The following RNF212B variants were observed in gnomAD, a reference collection of about 807,000 sequenced individuals.
RNF212B encodes the protein E3 ubiquitin-protein ligase RNF212B.
In RNF212B, 52 loss-of-function variants were observed where a neutral mutation model predicts 55.5. The observed-to-expected ratio is 0.94, with a 90% CI of 0.75 to 1.18. RNF212B has a LOEUF of 1.18. Ranked by LOEUF, RNF212B falls within the 50% of genes most tolerant of loss-of-function variation. RNF212B has a pLI of 0.00. For synonymous variants in RNF212B, 99 were observed against 121.4 expected (o/e 0.82, Z 1.21); for missense variants, 289 against 350.4 (o/e 0.82, Z 1.40).
intron 2 of RNF212B, among the ~76,000 whole-genome samples, chr14:23,211,692 T>C (rs995002445): frequency 3.9e-5 from 6 of 152,202 alleles, no homozygotes; most frequent in African/African-American, 1.4e-4. Context: ...AACAATGTAA[T>C]TCACCATAGA....
At chr14:23,191,956 G>A (rs1878156266) in intron 1 of RNF212B, among the ~76,000 whole-genome samples, 3 of 152,152 alleles carry the variant, frequency 2.0e-5, no homozygotes, top group African/African-American at 7.2e-5. Context: ...CTAAATTCTT[G>A]TTTCCAAAGG....
intron 2 of RNF212B, among the ~76,000 whole-genome samples, chr14:23,197,990 G>A (rs377336643): frequency 2.6e-5 from 4 of 152,150 alleles, no homozygotes; most frequent in African/African-American, 9.7e-5. Context: ...AGATTACAAA[G>A]TACATTGATC....
intron 4 of RNF212B, 40 bp from the exon 5 acceptor site, chr14:23,258,509 T>A (rs752949101): frequency 2.1e-6 from 2 of 962,754 alleles, no homozygotes; most frequent in Non-Finnish European, 3.1e-6. Context: ...GGGAAAGGAG[T>A]TATGGGAGAG....
chr14:23,211,341 C>T (rs1360558368), intron 2 of RNF212B, among the ~76,000 whole-genome samples: 1 of 152,082 alleles, frequency 6.6e-6, no homozygotes, highest in Non-Finnish European at 1.5e-5. Flanking sequence ...ATCTCTATAC[C>T]TATTAATATA....
At chr14:23,230,680 A>G (rs1326547676) in intron 2 of RNF212B, among the ~76,000 whole-genome samples, 2 of 147,564 alleles carry the variant, frequency 1.4e-5, no homozygotes, top group Non-Finnish European at 3.0e-5. Context: ...AAAAAAAAAA[A>G]AAACCATTGC....
chr14:23,188,719 C>T (rs975131407), intron 1 of RNF212B, among the ~76,000 whole-genome samples: 2 of 152,124 alleles, frequency 1.3e-5, no homozygotes, highest in African/African-American at 2.4e-5. Flanking sequence ...TTCCTCCAGC[C>T]TCAGCTTCCC....
chr14:23,264,789 A>T, intron 11 of RNF212B, 118 bp downstream of exon 11: 8 of 436,026 alleles, frequency 1.8e-5, no homozygotes, highest in Non-Finnish European at 2.7e-5. Context: ...CCTGACAGTG[A>T]TTCCATGTAT....
At chr14:23,236,008 A>G (rs1315656559), upstream of RNF212B, among the ~76,000 whole-genome samples, 3 of 152,242 alleles carry the variant, frequency 2.0e-5, no homozygotes, top group African/African-American at 7.2e-5. Flanking sequence ...TTTAAATACC[A>G]TTCTCTTTCC....
At position 23,248,430 on chromosome 14, in the gene RNF212B, C is replaced by T. The variant is rs563886070; in HGVS notation, c.228+4034C>T. ...TACAGGCATGAGCCACCACGCCCAA[C>T]CCCAAGCCTCTTTTTTTTTTTTTTT... On this transcript the variant is annotated intron_variant, in intron 4 of 14. Transcript: ENST00000430154. 2.0e-5 allele frequency among the ~76,000 whole-genome samples: 3 copies of T among 148,098 alleles called. No individual in the cohort carries two copies. In the South Asian group the frequency reaches 6.5e-4, roughly 32 times the overall value.
chr14:23,243,694 C>CAAAAA (rs761227119), intron 3 of RNF212B, among the ~76,000 whole-genome samples: 1 of 32,528 alleles, frequency 3.1e-5, no homozygotes, highest in Admixed American at 4.6e-4. Context: ...GACTCTGTCT[C>CAAAAA]AAAAAAAAAA....
At position 23,262,922 on chromosome 14, in the gene RNF212B, T is replaced by C; in HGVS notation, c.482-6T>C. ...ACTTTTTATTCTGTACTTTATTCTC[T>C]TTCAGTTACCCCACGACCCAGTTTC... On this transcript the variant is annotated splice_region_variant and splice_polypyrimidine_tract_variant and intron_variant, in intron 8 of 14. Transcript: ENST00000430154. 1.3e-6 allele frequency: 2 copies of C among 1,550,500 alleles called. No individual in the cohort carries two copies. Among genetic ancestry groups the C allele is most frequent in the Non-Finnish European group, 1.7e-6 (2 of 1,146,914 alleles).
chr14:23,201,798 TGA>T (rs1411777383), intron 2 of RNF212B, among the ~76,000 whole-genome samples: 2 of 152,324 alleles, frequency 1.3e-5, no homozygotes, highest in East Asian at 3.9e-4. Flanking sequence ...CTTCATTTAT[TGA>T]GAGAGGGGAC....
At chr14:23,243,626 G>A (rs559660390) in intron 3 of RNF212B, among the ~76,000 whole-genome samples, 1 of 149,154 alleles carries the variant, frequency 6.7e-6, no homozygotes, top group Non-Finnish European at 1.5e-5. Flanking sequence ...AGCCCAGGAG[G>A]TGGAAGTTGC....
intron 2 of RNF212B, among the ~76,000 whole-genome samples, chr14:23,228,539 G>A (rs1431457472): frequency 6.6e-6 from 1 of 151,048 alleles, no homozygotes; most frequent in Non-Finnish European, 1.5e-5. Context: ...GGGAGGATGA[G>A]CAGGGAGGAT....
intron 2 of RNF212B, among the ~76,000 whole-genome samples, chr14:23,228,507 G>C (rs992808730): frequency 6.7e-6 from 1 of 149,710 alleles, no homozygotes; most frequent in Non-Finnish European, 1.5e-5. Flanking sequence ...GTGGTGGCAT[G>C]TGCCTGTAGT....
At chr14:23,214,636 T>C (rs1281408082) in intron 2 of RNF212B, among the ~76,000 whole-genome samples, 1 of 41,000 alleles carries the variant, frequency 2.4e-5, no homozygotes, top group Non-Finnish European at 4.4e-5. Context: ...ACAGAATGAA[T>C]AAAGCATAGG....
rs572551581 is a variant in RNF212B at position 23,260,667 on chromosome 14, A to G, written c.414A>G (p.Pro138=). 7 of 1,550,306 alleles carry G rather than the reference A, an allele frequency of 4.5e-6. No homozygotes were observed. The African/African-American group carries it at 9.6e-5, about 21-fold the overall frequency. Residue 138 remains proline, a synonymous_variant, in exon 7 of 15, where the codon CCA becomes CCG. Transcript: ENST00000430154. ...GGTTTTTTCACCTATAGGAATCTCC[A>G]AGTCGGTACCAAGGAAGCAGGTCAG... ...KKFLAILKES[P]SRYQGSRSIT... is the part of the protein sequence containing the mutation.
chr14:23,213,221 G>C (rs967523995), intron 2 of RNF212B, among the ~76,000 whole-genome samples: 2 of 151,896 alleles, frequency 1.3e-5, no homozygotes, highest in African/African-American at 4.8e-5. Context: ...GCTGAGGCAG[G>C]AGAATGGCGT....
intron 2 of RNF212B, among the ~76,000 whole-genome samples, chr14:23,242,632 A>G (rs1883680947): frequency 1.3e-5 from 2 of 152,032 alleles, no homozygotes; most frequent in African/African-American, 2.4e-5. Context: ...GGGAGTTTAG[A>G]ATTGTCCCTT....
Sources: gnomAD v4.1 joint callset for allele counts (sites outside exome capture counted in the v4.1 genomes callset) on GRCh38, gnomAD v4.1.1 for gene constraint, MANE v1.5 for transcripts, NCBI Gene and HGNC (gene_info 2026-07-23, HGNC 2026-07-21) for gene names.